The following SS18L1 variants were observed in gnomAD, a reference collection of about 807,000 sequenced individuals.
SS18L1 encodes the protein calcium-responsive transactivator.
SS18L1 carries 32 observed loss-of-function variants against 70.3 expected under a neutral mutation model. The ratio of observed to expected loss-of-function variants is 0.46; its 90% CI spans 0.34 to 0.61. The LOEUF (loss-of-function observed/expected upper bound fraction) is 0.61, where lower values mean the gene tolerates loss of function less well. Ranked by LOEUF, SS18L1 falls within the 20% of genes least tolerant of loss-of-function variation. SS18L1 has a pLI of 0.01. For missense variants in SS18L1, 430 were observed against 542.1 expected (o/e 0.79, Z 2.05); for synonymous variants, 237 against 229.7 (o/e 1.03, Z -0.29).
Position 62,146,868 on chromosome 20 carries a change from T to TC in SS18L1, c.69+2986dup, listed in dbSNP as rs544163394. Among the ~76,000 whole-genome samples the TC allele has an allele frequency of 7.4e-3, 1,117 of 151,342 alleles. 14 individuals are homozygous for TC. The highest frequency in any genetic ancestry group is 0.025 in the African/African-American group (1,015 of 41,180). On this transcript the variant is annotated intron_variant, in intron 1 of 10. Transcript: ENST00000331758. ...TCCCGACCCCAAGTGATCTGCCCCCTCCCCCCCTTAGCCTCCCAAAGTGCT... is the reference window on the plus strand; with the variant it reads ...TCCCGACCCCAAGTGATCTGCCCCCTCCCCCCCCTTAGCCTCCCAAAGTGCT...
chr20:62,175,059 G>A, intron 10 of SS18L1: 2 of 720,456 alleles, frequency 2.8e-6, no homozygotes, highest in Non-Finnish European at 3.4e-6. Context: ...CAGAGCGGGG[G>A]GCCCCAAATG....
At chr20:62,152,156 G>A (rs2145705958) in intron 1 of SS18L1, among the ~76,000 whole-genome samples, 1 of 152,258 alleles carries the variant, frequency 6.6e-6, no homozygotes, top group East Asian at 1.9e-4. Flanking sequence ...AACCCCAGGA[G>A]TCTCCTGGGG....
At position 62,164,185 on chromosome 20, in the gene SS18L1, C is replaced by A. The variant is rs771965936; in HGVS notation, c.762C>A (p.Gly254=). 1 of 1,550,140 alleles carries A rather than the reference C, an allele frequency of 6.5e-7. No homozygotes were observed. The highest frequency in any genetic ancestry group is 1.2e-5 in the South Asian group (1 of 84,014). The change falls in exon 7 of 11, where the codon GGC becomes GGA. Residue 254 remains glycine, a synonymous_variant. Transcript: ENST00000331758. ...QQYLGQEEYY[G]EQYSHSQGAA... is the part of the protein sequence containing the mutation. ...ACCTGGGCCAGGAGGAGTACTATGG[C>A]GAGCAGTACAGCCACAGCCAGGGCG...
At position 62,161,752 on chromosome 20, in the gene SS18L1, G is replaced by A. The variant is rs887069148; in HGVS notation, c.376+172G>A. Reference sequence around the variant, plus strand: ...CATCGCCCAGGCTCAGGGCCGCAGCGAGCGTGCCGTGCGGCTGGGCTGAGC... The same window carrying A: ...CATCGCCCAGGCTCAGGGCCGCAGCAAGCGTGCCGTGCGGCTGGGCTGAGC... On this transcript the variant is annotated intron_variant, in intron 4 of 10. Coordinates refer to ENST00000331758, the MANE Select transcript of SS18L1 (RefSeq NM_198935.3). The surrounding 1 kb of genome is among the most constrained non-coding windows in gnomAD (Gnocchi z 4.4). Among the ~76,000 whole-genome samples, 1 of 152,254 alleles carries A rather than the reference G, an allele frequency of 6.6e-6. No homozygotes were observed. The highest frequency in any genetic ancestry group is 1.5e-5 in the Non-Finnish European group (1 of 68,042).
chr20:62,166,876 G>T (rs1334246980), intron 8 of SS18L1, among the ~76,000 whole-genome samples: 1 of 150,808 alleles, frequency 6.6e-6, no homozygotes, highest in African/African-American at 2.5e-5. Flanking sequence ...AGTGAGCTGA[G>T]ATCATGCCAT....
intron 8 of SS18L1, among the ~76,000 whole-genome samples, chr20:62,171,087 A>G (rs1283669295): frequency 6.6e-6 from 1 of 152,064 alleles, no homozygotes; most frequent in Non-Finnish European, 1.5e-5. Context: ...TATTTTTAGT[A>G]GAGACGGGGT....
At chr20:62,166,357 T>C (rs2057431549) in intron 8 of SS18L1, among the ~76,000 whole-genome samples, 1 of 152,188 alleles carries the variant, frequency 6.6e-6, no homozygotes, top group South Asian at 2.1e-4. Flanking sequence ...GAGGTAACAG[T>C]GTTGGTGAGG....
In SS18L1 at chr20:62,158,319, G is replaced by C. The variant is rs957388364; in HGVS notation, c.70-353G>C. ...CCAGCACAGGGAGGTGTGAATGTTC[G>C]GTCTGTGGTGGCTGAGGCAATGCAC... On this transcript the variant is annotated intron_variant, in intron 1 of 10. Coordinates refer to ENST00000331758, the MANE Select transcript of SS18L1 (RefSeq NM_198935.3). This position sits in a 1 kb window ranked among gnomAD's most constrained non-coding sequence, Gnocchi z 4.5. 1.4e-4 allele frequency among the ~76,000 whole-genome samples: 22 copies of C among 151,756 alleles called. No individual in the cohort carries two copies. The East Asian group carries it at 2.9e-3, about 20-fold the overall frequency.
chr20:62,156,178 G>C (rs1448943251), intron 1 of SS18L1, among the ~76,000 whole-genome samples: 2 of 152,190 alleles, frequency 1.3e-5, no homozygotes, highest in East Asian at 3.9e-4. Flanking sequence ...CGTGCTGGGA[G>C]TGATGCTGAA....
At chr20:62,155,946 A>G (rs1179130623) in intron 1 of SS18L1, among the ~76,000 whole-genome samples, 1 of 150,452 alleles carries the variant, frequency 6.6e-6, no homozygotes, top group South Asian at 2.2e-4. Context: ...CCAGTCTTCC[A>G]CCTTTCATTC....
chr20:62,165,098 G>A (rs1041891773), intron 7 of SS18L1, among the ~76,000 whole-genome samples: 2 of 152,200 alleles, frequency 1.3e-5, no homozygotes, highest in South Asian at 2.1e-4. Flanking sequence ...CCCTGCCTGC[G>A]TCCTCCCAGG....
At position 62,163,542 on chromosome 20, in the gene SS18L1, T is replaced by TCG; in HGVS notation, c.643_644dup (p.Met216ProfsTer2). 1 of 1,611,472 alleles carries TCG rather than the reference T, an allele frequency of 6.2e-7. No homozygotes were observed. Among genetic ancestry groups the TCG allele is most frequent in the Non-Finnish European group, 8.5e-7 (1 of 1,179,756 alleles). The stretch of plus-strand genomic sequence containing the variant: ...CAGCACTACCAGGGCCAGTCGTCCA[T>TCG]CGCCATGATGGGGCAGGGCAGCCAG... On this transcript the variant is annotated frameshift_variant, in exon 6 of 11. Transcript: ENST00000331758. LOFTEE classifies it high-confidence loss of function.
At position 62,174,426 on chromosome 20, in the gene SS18L1, G is replaced by A; in HGVS notation, c.1037-91G>A. 6.6e-7 allele frequency: 1 copy of A among 1,520,874 alleles called. No individual in the cohort carries two copies. The highest frequency in any genetic ancestry group is 8.8e-7 in the Non-Finnish European group (1 of 1,138,596). The allele number at this position is 1,520,874 out of a possible 1,614,324, so 94.2% of individuals were successfully genotyped here. A position where few individuals can be genotyped will look rare whatever the true frequency, so the allele number is the denominator to read the frequency against. On this transcript the variant is annotated intron_variant, in intron 9 of 10. Transcript: ENST00000331758. The surrounding 1 kb of genome is among the most constrained non-coding windows in gnomAD (Gnocchi z 4.1). Reference sequence around the variant, plus strand: ...TGAGACGGGAATTTTTCAAGGAGAAGAGGAAGTTTTAAAAAAAATTTTTAA... The same window carrying A: ...TGAGACGGGAATTTTTCAAGGAGAAAAGGAAGTTTTAAAAAAAATTTTTAA...
Position 62,158,661 on chromosome 20 carries a change from T to G in SS18L1, c.70-11T>G. Reference sequence around the variant, plus strand: ...CCGCGTCGGCAGCGCCCGCTCACGCTCTCTCCGCAGATGCTGGACGAGAAC... The same window carrying G: ...CCGCGTCGGCAGCGCCCGCTCACGCGCTCTCCGCAGATGCTGGACGAGAAC... On this transcript the variant is annotated splice_polypyrimidine_tract_variant and intron_variant, in intron 1 of 10. Coordinates refer to ENST00000331758, the MANE Select transcript of SS18L1 (RefSeq NM_198935.3). The surrounding 1 kb of genome is among the most constrained non-coding windows in gnomAD (Gnocchi z 4.5). The G allele has an allele frequency of 6.2e-7, 1 of 1,612,096 alleles. No homozygotes were observed. The highest frequency in any genetic ancestry group is 2.2e-5 in the East Asian group (1 of 44,884).
rs1272283012 is a variant in SS18L1 at position 62,164,205 on chromosome 20, A to G, written c.782A>G (p.Gln261Arg). The change falls in exon 7 of 11, where the codon CAG (glutamine) becomes CGG (arginine). Residue 261 changes from glutamine (Q) to arginine (R), a missense_variant. Physicochemically the swap from Gln to Arg is conservative, Grantham distance 43. Coordinates refer to ENST00000331758, the MANE Select transcript of SS18L1 (RefSeq NM_198935.3). ...EYYGEQYSHSQGAAEPMGQQY... is the reference protein window; with the variant it reads ...EYYGEQYSHSRGAAEPMGQQY... Reference sequence around the variant, plus strand: ...TATGGCGAGCAGTACAGCCACAGCCAGGGCGCCGCGGAGCCCATGGGCCAG... The same window carrying G: ...TATGGCGAGCAGTACAGCCACAGCCGGGGCGCCGCGGAGCCCATGGGCCAG... 6.5e-7 allele frequency: 1 copy of G among 1,549,894 alleles called. No individual in the cohort carries two copies. Among genetic ancestry groups the G allele is most frequent in the Non-Finnish European group, 8.7e-7 (1 of 1,146,708 alleles).
intron 1 of SS18L1, among the ~76,000 whole-genome samples, chr20:62,150,342 G>A (rs1328348190): frequency 1.3e-5 from 2 of 152,236 alleles, no homozygotes; most frequent in Admixed American, 6.5e-5. Context: ...GGTCAGCGAT[G>A]TCTGCCCCGA....
chr20:62,160,815 C>T (rs988591054), intron 3 of SS18L1, among the ~76,000 whole-genome samples: 1 of 152,172 alleles, frequency 6.6e-6, no homozygotes, highest in African/African-American at 2.4e-5. Flanking sequence ...CAGACACCCA[C>T]AGGTCCTGGT....
rs745890310 is a variant in SS18L1, at chr20:62,143,795, C to G, written c.-26C>G. 2 of 1,350,954 alleles carry G rather than the reference C, an allele frequency of 1.5e-6. No individual in the cohort carries two copies. Among genetic ancestry groups the G allele is most frequent in the African/African-American group, 1.5e-5 (1 of 64,628 alleles). 83.7% of individuals were successfully genotyped at this position (1,350,954 alleles called of 1,614,324 possible). A position where few individuals can be genotyped will look rare whatever the true frequency, so the allele number is the denominator to read the frequency against. On this transcript the variant is annotated 5_prime_UTR_variant, in exon 1 of 11. Coordinates refer to ENST00000331758, the MANE Select transcript of SS18L1 (RefSeq NM_198935.3). The stretch of plus-strand genomic sequence containing the variant: ...CAGCCGGAGTATCCACCTCGATGAC[C>G]ACGGGCTGAGCCCCGCGCCGCCACC...
intron 1 of SS18L1, among the ~76,000 whole-genome samples, chr20:62,150,136 C>T (rs1039579514): frequency 6.6e-6 from 1 of 152,128 alleles, no homozygotes; most frequent in Non-Finnish European, 1.5e-5. Flanking sequence ...GCCAGCTCCT[C>T]TCAAGGAGAC....
Sources: allele counts gnomAD v4.1 joint callset (sites outside exome capture counted in the v4.1 genomes callset), GRCh38; gene constraint gnomAD v4.1.1; non-coding constraint Gnocchi (gnomAD v3.1); transcripts MANE v1.5; gene names NCBI Gene and HGNC (gene_info 2026-07-23, HGNC 2026-07-21).